Variants in FNDC3B observed in about 807,000 individuals in gnomAD.
FNDC3B encodes the protein fibronectin type III domain containing 3B.
A neutral mutation model predicts 151.5 loss-of-function variants in FNDC3B; 12 were observed. The observed-to-expected ratio is 0.08, with a 90% CI of 0.05 to 0.13. FNDC3B has a LOEUF of 0.13. Among genes scored for constraint, FNDC3B ranks in the 10% least tolerant of loss-of-function variants. The pLI is 1.00. For synonymous variants in FNDC3B, 528 were observed against 549.0 expected, an observed-to-expected ratio of 0.96 and a Z score of 0.54; for missense variants, 1,214 against 1,505.3, an observed-to-expected ratio of 0.81 and a Z score of 3.20.
rs1344404833 is a variant in FNDC3B, at chr3:172,397,122, G to T, written c.3304-42G>T. 4.7e-6 allele frequency: 7 copies of T among 1,480,206 alleles called. No homozygotes were observed. In the African/African-American group the frequency reaches 8.4e-5, roughly 18 times the overall value. The allele number at this position is 1,480,206 out of a possible 1,614,324, so 91.7% of individuals were successfully genotyped here. A position where few individuals can be genotyped will look rare whatever the true frequency, so the allele number is the denominator to read the frequency against. ...CCAAGATTCTTCTAGAGACAACAGT[G>T]TTGCTATAAATTAATTAACTAGGAC... On this transcript the variant is annotated intron_variant, in intron 25 of 25. Coordinates refer to ENST00000415807, the MANE Select transcript of FNDC3B (RefSeq NM_022763.4).
At chr3:172,212,159 T>C (rs933798890) in intron 3 of FNDC3B, among the ~76,000 whole-genome samples, 1 of 152,210 alleles carries the variant, frequency 6.6e-6, no homozygotes, top group Admixed American at 6.5e-5. Context: ...TGGGGGACTA[T>C]TTTTAGCCAA....
chr3:172,118,964 C>G (rs1720400922), intron 2 of FNDC3B, among the ~76,000 whole-genome samples: 2 of 151,554 alleles, frequency 1.3e-5, no homozygotes, highest in Admixed American at 1.3e-4. Context: ...GTCAGGAGAT[C>G]AAGACCATCC....
chr3:172,181,827 CA>C (rs747723219), intron 3 of FNDC3B, among the ~76,000 whole-genome samples: 10,701 of 61,594 alleles, frequency 0.17, 162 homozygotes, highest in East Asian at 0.35. Flanking sequence ...GACTCCATCT[CA>C]AAAAAAAAAA....
chr3:172,173,225 T>C (rs1256553333), intron 3 of FNDC3B, among the ~76,000 whole-genome samples: 1 of 152,154 alleles, frequency 6.6e-6, no homozygotes, highest in Non-Finnish European at 1.5e-5. Context: ...CCTTTTCTGC[T>C]TGTCATAAGG....
chr3:172,127,653 T>A (rs1267210589), intron 2 of FNDC3B, among the ~76,000 whole-genome samples: 2 of 152,190 alleles, frequency 1.3e-5, no homozygotes, highest in African/African-American at 4.8e-5. Context: ...AGCTTTTTTT[T>A]AAACAAAGAA....
intron 23 of FNDC3B, among the ~76,000 whole-genome samples, chr3:172,375,175 T>C (rs1735071794): frequency 6.6e-6 from 1 of 152,232 alleles, no homozygotes; most frequent in Non-Finnish European, 1.5e-5. Flanking sequence ...TTGCTACCTC[T>C]GTCTTTAATG....
intron 11 of FNDC3B, 44 bp from the exon 12 acceptor site, chr3:172,328,908 T>G (rs753737119): frequency 2.4e-4 from 348 of 1,467,280 alleles, no homozygotes; most frequent in Middle Eastern, 5.4e-4. Flanking sequence ...ATCTGTTGTT[T>G]TTTTTTTTTT....
intron 5 of FNDC3B, among the ~76,000 whole-genome samples, chr3:172,248,138 C>A (rs1004126870): frequency 1.3e-5 from 2 of 152,094 alleles, no homozygotes; most frequent in African/African-American, 4.8e-5. Context: ...TGTGGCACAT[C>A]GTTTCTTTGG....
chr3:172,344,995 AGTGGTTTGT>A (rs1476017005), intron 19 of FNDC3B, among the ~76,000 whole-genome samples: 1 of 152,198 alleles, frequency 6.6e-6, no homozygotes, highest in African/African-American at 2.4e-5. Context: ...CCAAAGTGCC[AGTGGTTTGT>A]GTAGATGGGC....
Position 172,269,531 on chromosome 3 carries a change from A to G in FNDC3B, c.791-16395A>G, listed in dbSNP as rs535898740. 3.3e-5 allele frequency among the ~76,000 whole-genome samples: 5 copies of G among 151,988 alleles called. No homozygotes were observed. In the East Asian group the frequency reaches 5.8e-4, roughly 18 times the overall value. Reference sequence around the variant, plus strand: ...GTGATCCCCTTGTCTTGGCCTCCCAATGTACTGGGATTACACCTATGAGCT... The same window carrying G: ...GTGATCCCCTTGTCTTGGCCTCCCAGTGTACTGGGATTACACCTATGAGCT... On this transcript the variant is annotated intron_variant, in intron 6 of 25. Transcript: ENST00000415807.
At chr3:172,386,682 A>C (rs1012155988) in intron 25 of FNDC3B, among the ~76,000 whole-genome samples, 3 of 149,292 alleles carry the variant, frequency 2.0e-5, no homozygotes, top group Non-Finnish European at 4.5e-5. Flanking sequence ...CAGAGCTTGC[A>C]GTGAGCCGAG....
At chr3:172,182,891 G>A (rs148531896) in intron 3 of FNDC3B, among the ~76,000 whole-genome samples, 5 of 152,304 alleles carry the variant, frequency 3.3e-5, no homozygotes, top group Non-Finnish European at 7.4e-5. Context: ...GTGTAGGCAC[G>A]AAGCTTTCAG....
chr3:172,361,845 AT>A (rs1344492203), intron 22 of FNDC3B, among the ~76,000 whole-genome samples: 8 of 152,016 alleles, frequency 5.3e-5, no homozygotes, highest in Admixed American at 3.3e-4. Context: ...CCACTAAATT[AT>A]TTTTTTGTAG....
intron 3 of FNDC3B, among the ~76,000 whole-genome samples, chr3:172,163,392 G>A (rs549485175): frequency 4.6e-5 from 7 of 152,180 alleles, no homozygotes; most frequent in African/African-American, 1.7e-4. Flanking sequence ...AAATATGTTA[G>A]CATTGTAAAC....
At chr3:172,392,519 G>C (rs2108392754) in intron 25 of FNDC3B, among the ~76,000 whole-genome samples, 1 of 152,212 alleles carries the variant, frequency 6.6e-6, no homozygotes, top group African/African-American at 2.4e-5. Context: ...CAGACCATAA[G>C]ATCCTTTTTT....
At chr3:172,162,586 C>T (rs956825104) in intron 3 of FNDC3B, among the ~76,000 whole-genome samples, 1 of 151,356 alleles carries the variant, frequency 6.6e-6, no homozygotes, top group Non-Finnish European at 1.5e-5. Flanking sequence ...AGCTGTACCA[C>T]TTTATCTTCC....
At chr3:172,191,498 A>G (rs1724505219) in intron 3 of FNDC3B, among the ~76,000 whole-genome samples, 2 of 151,896 alleles carry the variant, frequency 1.3e-5, no homozygotes, top group African/African-American at 4.8e-5. Context: ...TTTCAAATTC[A>G]TTGTTGTTGT....
At chr3:172,138,320 G>C (rs1209997230) in intron 3 of FNDC3B, among the ~76,000 whole-genome samples, 1 of 152,190 alleles carries the variant, frequency 6.6e-6, no homozygotes, top group Non-Finnish European at 1.5e-5. Context: ...CACACAGCTT[G>C]AGAATAATTA....
chr3:172,305,842 C>G (rs912196806), intron 9 of FNDC3B, among the ~76,000 whole-genome samples: 1 of 152,130 alleles, frequency 6.6e-6, no homozygotes, highest in African/African-American at 2.4e-5. Context: ...GTGAGCCCAT[C>G]CTGACACAGG....
Sources: allele counts gnomAD v4.1 joint callset (sites outside exome capture counted in the v4.1 genomes callset), GRCh38; gene constraint gnomAD v4.1.1; transcripts MANE v1.5; gene names NCBI Gene and HGNC (gene_info 2026-07-23, HGNC 2026-07-21).